The following SOX13 variants were observed in gnomAD, a reference collection of about 807,000 sequenced individuals.
SOX13 encodes the protein transcription factor SOX-13.
SOX13 carries 28 observed loss-of-function variants against 71.8 expected under a neutral mutation model. The observed-to-expected ratio is 0.39, with a 90% confidence interval of 0.29 to 0.53. The LOEUF (loss-of-function observed/expected upper bound fraction) is 0.53, where lower values mean the gene tolerates loss of function less well. Ranked by LOEUF, SOX13 falls within the 20% of genes least tolerant of loss-of-function variation. SOX13 has a pLI of 0.70. For missense variants in SOX13, 627 were observed against 810.3 expected, an observed-to-expected ratio of 0.77 and a Z score of 2.75; for synonymous variants, 309 against 317.8, an observed-to-expected ratio of 0.97 and a Z score of 0.29.
intron 1 of SOX13, among the ~76,000 whole-genome samples, chr1:204,084,833 G>A (rs1655984519): frequency 1.3e-5 from 2 of 152,112 alleles, no homozygotes; most frequent in Non-Finnish European, 2.9e-5. Flanking sequence ...GACCATGTGG[G>A]GGTGAGGTGC....
At position 204,122,942 on chromosome 1, in the gene SOX13, C is replaced by T; in HGVS notation, c.1113C>T (p.Ser371=). Residue 371 remains serine, a synonymous_variant, in exon 10 of 14, where the codon TCC becomes TCT. Transcript: ENST00000367204. ...LHSHSGALDG[S]PNTPFRKDLI... Reference sequence around the variant, plus strand: ...GCCACAGTGGGGCCTTGGATGGCTCCCCCAACACCCCCTTCCGTAAGGTAT... The same window carrying T: ...GCCACAGTGGGGCCTTGGATGGCTCTCCCAACACCCCCTTCCGTAAGGTAT... 1 of 1,587,800 alleles carries T rather than the reference C, an allele frequency of 6.3e-7. No homozygotes were observed. The highest frequency in any genetic ancestry group is 1.1e-5 in the South Asian group (1 of 87,782).
Position 204,117,197 on chromosome 1 carries a change from G to T in SOX13, c.660+7G>T, listed in dbSNP as rs563547329. On this transcript the variant is annotated splice_region_variant and intron_variant, in intron 6 of 13. Transcript: ENST00000367204. The stretch of plus-strand genomic sequence containing the variant: ...CCTTCAGCAGCAGATCCAGGTAACC[G>T]GAGGGGAGACCCGGAGAGGCACAGG... 6.2e-7 allele frequency: 1 copy of T among 1,613,540 alleles called. No homozygotes were observed. Among genetic ancestry groups the T allele is most frequent in the East Asian group, 2.2e-5 (1 of 44,874 alleles).
chr1:204,086,945 C>T (rs1656034641), intron 1 of SOX13, among the ~76,000 whole-genome samples: 3 of 147,570 alleles, frequency 2.0e-5, no homozygotes, highest in Admixed American at 6.7e-5. Flanking sequence ...TTTTTTGAGA[C>T]GGAGTCTCAC....
chr1:204,098,553 G>GA (rs1490930197), intron 1 of SOX13, among the ~76,000 whole-genome samples: 2 of 152,104 alleles, frequency 1.3e-5, no homozygotes, highest in Non-Finnish European at 2.9e-5. Context: ...TTATATTTAG[G>GA]AAAAAACTGA....
In SOX13 at chr1:204,079,036, C is replaced by A. The variant is rs538432860; in HGVS notation, c.-2+5325C>A. Among the ~76,000 whole-genome samples the A allele has an allele frequency of 9.9e-4, 150 of 152,274 alleles. 1 individual carries two copies. The highest frequency in any genetic ancestry group is 2.0e-3 in the Non-Finnish European group (136 of 68,020). ...TTTCTGGGCCGGGCACGGTGGCTCA[C>A]GCCTGTAATCCCAGCAGTTTGGGAG... On this transcript the variant is annotated intron_variant, in intron 1 of 13. Coordinates refer to ENST00000367204, the MANE Select transcript of SOX13 (RefSeq NM_005686.3).
chr1:204,115,657 CTTTTTT>C (rs771014997), intron 4 of SOX13, among the ~76,000 whole-genome samples: 2 of 57,414 alleles, frequency 3.5e-5, no homozygotes, highest in African/African-American at 7.3e-5. Flanking sequence ...GCTTCTTCTT[CTTTTTT>C]TTTTTTTTTT....
chr1:204,100,416 C>T (rs978805584), intron 1 of SOX13, among the ~76,000 whole-genome samples: 3 of 152,186 alleles, frequency 2.0e-5, no homozygotes, highest in Non-Finnish European at 4.4e-5. Flanking sequence ...GCCTCAGTTT[C>T]CAAAGGGTGC....
rs1221098659 is a variant in SOX13 at position 204,122,384 on chromosome 1, C to T, written c.1009C>T (p.Pro337Ser). ...GPTRDLQSSP[P>S]SLPLGFLGEG... Reference sequence around the variant, plus strand: ...CACGCGGGACCTGCAGTCCAGCCCCCCGAGCCTGCCTCTGGGTAAGCCTCC... The same window carrying T: ...CACGCGGGACCTGCAGTCCAGCCCCTCGAGCCTGCCTCTGGGTAAGCCTCC... The change falls in exon 9 of 14, where the codon CCG becomes TCG. Residue 337 changes from proline to serine, a missense_variant. Pro to Ser is a moderately conservative substitution (Grantham distance 74, BLOSUM62 -1). This residue lies in a region of SOX13 where 447 missense variants were observed against 532.2 expected (regional missense o/e 0.84). Coordinates refer to ENST00000367204, the MANE Select transcript of SOX13 (RefSeq NM_005686.3). The T allele has an allele frequency of 1.3e-6, 2 of 1,564,672 alleles. No individual in the cohort carries two copies. Among genetic ancestry groups the T allele is most frequent in the East Asian group, 2.4e-5 (1 of 41,890 alleles).
Position 204,126,591 on chromosome 1 carries a change from C to G in SOX13, c.*457C>G. 1 of 196,360 alleles carries G rather than the reference C, an allele frequency of 5.1e-6. No homozygotes were observed. Among genetic ancestry groups the G allele is most frequent in the South Asian group, 1.2e-4 (1 of 8,480 alleles). 12.2% of individuals were successfully genotyped at this position (196,360 alleles called of 1,614,324 possible). A position where few individuals can be genotyped will look rare whatever the true frequency, so the allele number is the denominator to read the frequency against. On this transcript the variant is annotated 3_prime_UTR_variant, in exon 14 of 14. Transcript: ENST00000367204. Reference sequence around the variant, plus strand: ...CACCAGGATCGCTTTGTACTTTGTGCAAAAGGGTCTGGCTGTCCCTTGCTG... The same window carrying G: ...CACCAGGATCGCTTTGTACTTTGTGGAAAAGGGTCTGGCTGTCCCTTGCTG...
chr1:204,126,063 C>T lies in SOX13; in HGVS notation c.1798C>T (p.Arg600Trp), dbSNP rs774724106. ...RHSVADGEMY[R>W]YSEDEDSEGE... ...CTCGGTGGCTGATGGCGAGATGTACCGGTACAGCGAGGACGAGGACTCGGA... is the reference window on the plus strand; with the variant it reads ...CTCGGTGGCTGATGGCGAGATGTACTGGTACAGCGAGGACGAGGACTCGGA... Residue 600 changes from arginine (R) to tryptophan (W), a missense_variant, in exon 14 of 14, where the codon CGG becomes TGG. By Grantham distance (101) the Arg-to-Trp change is moderately radical. Around this residue, in one of 3 missense-constraint regions of SOX13, gnomAD observed 148 missense variants for 192.7 expected, o/e 0.77. Transcript: ENST00000367204. 8 of 1,613,776 alleles carry T rather than the reference C, an allele frequency of 5.0e-6. No homozygotes were observed. Among genetic ancestry groups the T allele is most frequent in the African/African-American group, 1.3e-5 (1 of 74,892 alleles).
chr1:204,113,994 A>C (rs531939159), intron 2 of SOX13, among the ~76,000 whole-genome samples: 18 of 152,360 alleles, frequency 1.2e-4, no homozygotes. Flanking sequence ...TGATCCCAGC[A>C]ACAATCCTGT....
At chr1:204,108,597 GCC>G (rs1360306695) in intron 1 of SOX13, among the ~76,000 whole-genome samples, 1 of 152,234 alleles carries the variant, frequency 6.6e-6, no homozygotes, top group Non-Finnish European at 1.5e-5. Context: ...GGAGCTGGAG[GCC>G]CCTGAAGTTG....
At chr1:204,094,888 G>T (rs1333746829) in intron 1 of SOX13, among the ~76,000 whole-genome samples, 1 of 152,148 alleles carries the variant, frequency 6.6e-6, no homozygotes, top group Non-Finnish European at 1.5e-5. Context: ...AAAGGAAAAG[G>T]ATGGCTTGGG....
intron 1 of SOX13, among the ~76,000 whole-genome samples, chr1:204,074,915 G>A (rs905232104): frequency 5.3e-5 from 8 of 152,214 alleles, no homozygotes; most frequent in Non-Finnish European, 1.2e-4. Context: ...TGACTCTCTG[G>A]GAATTTCCGG....
At position 204,073,156 on chromosome 1, in the gene SOX13, C is replaced by G. The variant is rs1452912162; in HGVS notation, c.-557C>G. The G allele has an allele frequency of 6.6e-6, 1 of 152,132 alleles. No homozygotes were observed. Among genetic ancestry groups the G allele is most frequent in the East Asian group, 2.0e-4 (1 of 5,114 alleles). 9.4% of individuals were successfully genotyped at this position (152,132 alleles called of 1,614,324 possible). On this transcript the variant is annotated 5_prime_UTR_variant, in exon 1 of 14. Transcript: ENST00000367204. The surrounding 1 kb of genome is among the most constrained non-coding windows in gnomAD (Gnocchi z 6.8). ...CGAGCCGCGAGCGCCCTTCTCCAGT[C>G]CCGGCTTGGAACTGAACTGTGTGAG...
Position 204,086,649 on chromosome 1 carries a change from G to A in SOX13, c.-2+12938G>A, listed in dbSNP as rs12024288. Among the ~76,000 whole-genome samples, 259 of 152,250 alleles carry A rather than the reference G, an allele frequency of 1.7e-3. 7 individuals carry two copies. The East Asian group carries it at 0.048, about 28-fold the overall frequency. On this transcript the variant is annotated intron_variant, in intron 1 of 13. Transcript: ENST00000367204. The stretch of plus-strand genomic sequence containing the variant: ...GGATAGTTTAGTGACAACATCATGG[G>A]GTGTTAGAGTCAGAAAGTTTGGAAG...
In SOX13 at chr1:204,121,952, G is replaced by A. The variant is rs757468034; in HGVS notation, c.828G>A (p.Arg276=). 4.3e-6 allele frequency: 7 copies of A among 1,611,828 alleles called. No individual in the cohort carries two copies. The East Asian group carries it at 1.1e-4, about 26-fold the overall frequency. ...LHSPPAPVVK[R]PGAMATHHPL... is the part of the protein sequence containing the mutation. ...GCCCCCCTGCCCCAGTGGTGAAGAG[G>A]CCTGGGGCCATGGCCACCCACCACC... Residue 276 remains arginine (R), a synonymous_variant, in exon 8 of 14, where the codon AGG becomes AGA. Transcript: ENST00000367204.
intron 7 of SOX13, 135 bp from the exon 8 acceptor site, chr1:204,121,765 G>T: frequency 1.4e-6 from 1 of 711,700 alleles, no homozygotes; most frequent in South Asian, 1.5e-5. Flanking sequence ...TTTGGGGCTG[G>T]GGAGGGCAGT....
rs765693520 is a variant in SOX13 at position 204,081,097 on chromosome 1, G to C, written c.-2+7386G>C. On this transcript the variant is annotated intron_variant, in intron 1 of 13. Transcript: ENST00000367204. This position sits in a 1 kb window ranked among gnomAD's most constrained non-coding sequence, Gnocchi z 4.3. ...TGGCTAATTTTTTGTATTTTTAGTA[G>C]AGACGGGATTTCTCCATGTTGGTTA... 6.6e-6 allele frequency among the ~76,000 whole-genome samples: 1 copy of C among 151,930 alleles called. No individual in the cohort carries two copies. Among genetic ancestry groups the C allele is most frequent in the African/African-American group, 2.4e-5 (1 of 41,348 alleles).
Sources: allele counts gnomAD v4.1 joint callset (sites outside exome capture counted in the v4.1 genomes callset), GRCh38; gene constraint gnomAD v4.1.1; regional missense constraint gnomAD v4.1.1; non-coding constraint Gnocchi (gnomAD v3.1); transcripts MANE v1.5; gene names NCBI Gene and HGNC (gene_info 2026-07-23, HGNC 2026-07-21).